Variants in LINS1 observed in about 807,000 individuals in gnomAD.
The protein encoded by LINS1 is protein Lines homolog 1.
LINS1 carries 27 observed loss-of-function variants against 41.6 expected under a neutral mutation model. That is an observed-to-expected ratio of 0.65 (90% CI 0.48 to 0.89). LINS1 has a LOEUF of 0.89. LINS1 is among the 40% of genes least tolerant of loss of function. LINS1 has a pLI of 0.00. For missense variants in LINS1, 955 were observed against 884.1 expected (o/e 1.08, Z -1.02); for synonymous variants, 336 against 312.9 (o/e 1.07, Z -0.78).
intron 1 of LINS1, among the ~76,000 whole-genome samples, chr15:100,594,197 T>C (rs1341778752): frequency 1.3e-5 from 2 of 152,244 alleles, no homozygotes; most frequent in Non-Finnish European, 2.9e-5. Context: ...TGTTTTGATT[T>C]GTATTATTTT....
At chr15:100,577,793 C>A (rs969886933) in intron 3 of LINS1, among the ~76,000 whole-genome samples, 1 of 152,132 alleles carries the variant, frequency 6.6e-6, no homozygotes, top group Admixed American at 6.5e-5. Flanking sequence ...GCTACAGTAA[C>A]CAAAACAACA....
Position 100,573,971 on chromosome 15 carries a change from A to G in LINS1, c.902T>C (p.Ile301Thr). Residue 301 changes from isoleucine to threonine, a missense_variant, in exon 5 of 7, where the codon ATA (isoleucine) becomes ACA (threonine). Physicochemically the swap from Ile to Thr is moderately conservative, Grantham distance 89. Transcript: ENST00000314742. Reference sequence around the variant, plus strand: ...ACAGAGAAGGCACTTTTTGAGGAATATGATGACCTTCCTTTTAACAAAAGC... The same window carrying G: ...ACAGAGAAGGCACTTTTTGAGGAATGTGATGACCTTCCTTTTAACAAAAGC... Reference protein sequence around the residue: ...IQAFVKRKVIIFLKKCLLCKV... With the variant: ...IQAFVKRKVITFLKKCLLCKV... 1 of 1,614,250 alleles carries G rather than the reference A, an allele frequency of 6.2e-7. No homozygotes were observed. The highest frequency in any genetic ancestry group is 8.5e-7 in the Non-Finnish European group (1 of 1,180,040).
intron 3 of LINS1, among the ~76,000 whole-genome samples, chr15:100,578,493 T>G (rs1387560716): frequency 6.6e-6 from 1 of 151,572 alleles, no homozygotes; most frequent in African/African-American, 2.4e-5. Context: ...TCACACCAGT[T>G]AGAATGGCGA....
chr15:100,575,489 A>T (rs1437773825), intron 3 of LINS1, among the ~76,000 whole-genome samples: 1 of 152,180 alleles, frequency 6.6e-6, no homozygotes, highest in Non-Finnish European at 1.5e-5. Context: ...CTAAATATAT[A>T]TGCACCCAAT....
intron 3 of LINS1, 96 bp from the exon 4 acceptor site, chr15:100,575,224 A>T (rs1235065898): frequency 1.8e-6 from 2 of 1,109,222 alleles, no homozygotes; most frequent in Non-Finnish European, 2.6e-6. Flanking sequence ...GGCCAAAAGA[A>T]GTATGATAAT....
chr15:100,601,352 C>G (rs995329721), intron 1 of LINS1, among the ~76,000 whole-genome samples: 8 of 152,058 alleles, frequency 5.3e-5, no homozygotes, highest in African/African-American at 1.2e-4. Flanking sequence ...AGCAGGCTCA[C>G]GAGTTGTCAA....
rs867171088 is a variant in LINS1 at position 100,582,394 on chromosome 15, C to T, written c.-103-1449G>A. Among the ~76,000 whole-genome samples the T allele has an allele frequency of 2.4e-3, 310 of 128,860 alleles. 60 individuals carry two copies. The highest frequency in any genetic ancestry group is 9.1e-3 in the East Asian group (31 of 3,390). The allele number at this position is 128,860 out of a possible 152,430, so 84.5% of individuals were successfully genotyped here. Reference sequence around the variant, plus strand: ...AGTCTTGGTCTTACACTGGGTCTTCCATCTACACTATGGCCCACTAGCCTA... The same window carrying T: ...AGTCTTGGTCTTACACTGGGTCTTCTATCTACACTATGGCCCACTAGCCTA... On this transcript the variant is annotated intron_variant, in intron 1 of 6. Transcript: ENST00000314742.
At chr15:100,596,318 G>A (rs1345550088) in intron 1 of LINS1, among the ~76,000 whole-genome samples, 1 of 152,128 alleles carries the variant, frequency 6.6e-6, no homozygotes, top group Non-Finnish European at 1.5e-5. Context: ...TCTGGGGTGG[G>A]GCCCAGTAAT....
Position 100,598,486 on chromosome 15 carries a change from G to A in LINS1, c.-104+3635C>T, listed in dbSNP as rs1169754449. On this transcript the variant is annotated intron_variant, in intron 1 of 6. Transcript: ENST00000314742. ...GTTCTGAGCTCATTCAGTCTTTACC[G>A]TATGACACATCTGACAACGTACTTG... Among the ~76,000 whole-genome samples, 6 of 152,146 alleles carry A rather than the reference G, an allele frequency of 3.9e-5. No individual in the cohort carries two copies. The East Asian group carries it at 9.6e-4, about 24-fold the overall frequency.
At chr15:100,578,694 TA>T (rs2038340050) in intron 3 of LINS1, among the ~76,000 whole-genome samples, 1 of 152,190 alleles carries the variant, frequency 6.6e-6, no homozygotes, top group Non-Finnish European at 1.5e-5. Context: ...CAAAGGAATA[TA>T]AATCATGCTG....
At chr15:100,571,796 A>G (rs1357124678) in intron 6 of LINS1, 98 bp downstream of exon 6, 2 of 1,398,670 alleles carry the variant, frequency 1.4e-6, no homozygotes, top group East Asian at 4.6e-5. Context: ...TTTTCCCCCA[A>G]ATGATGAAAG....
chr15:100,575,171 T>A (rs1425968748), intron 3 of LINS1, 43 bp from the exon 4 acceptor site: 1 of 1,540,992 alleles, frequency 6.5e-7, no homozygotes, highest in Non-Finnish European at 8.9e-7. Flanking sequence ...ATACAATATT[T>A]TCTTTACATA....
chr15:100,591,200 AT>A (rs1297744300), intron 1 of LINS1, among the ~76,000 whole-genome samples: 7 of 152,334 alleles, frequency 4.6e-5, no homozygotes, highest in Middle Eastern at 3.4e-3. Flanking sequence ...AGGAAAAAAA[AT>A]AATAATAGTT....
chr15:100,574,150 A>G lies in LINS1; in HGVS notation c.723T>C (p.Asp241=). 6.2e-7 allele frequency: 1 copy of G among 1,613,978 alleles called. No individual in the cohort carries two copies. Among genetic ancestry groups the G allele is most frequent in the Non-Finnish European group, 8.5e-7 (1 of 1,179,818 alleles). Residue 241 remains aspartate, a synonymous_variant, in exon 5 of 7, where the codon GAT becomes GAC. Transcript: ENST00000314742. ...LFSQHFENCR[D]TSKIVNILMC... ...TCAGGATGTTTACTATTTTAGAAGT[A>G]TCCCGGCAGTTTTCAAAATGCTGAG...
At chr15:100,585,330 A>G (rs912820100) in intron 1 of LINS1, among the ~76,000 whole-genome samples, 3 of 152,196 alleles carry the variant, frequency 2.0e-5, no homozygotes, top group Non-Finnish European at 4.4e-5. Context: ...CGCAGTTGCA[A>G]TGCTGTTTGG....
chr15:100,572,702 A>G (rs750628209), intron 5 of LINS1: 6 of 986,306 alleles, frequency 6.1e-6, no homozygotes, highest in Non-Finnish European at 7.2e-6. Context: ...CAAACTTTTC[A>G]CTGAATCTGT....
At chr15:100,570,644 T>G (rs561206027) in intron 6 of LINS1, 7 of 152,862 alleles carry the variant, frequency 4.6e-5, no homozygotes, top group Admixed American at 1.9e-4. Context: ...GGCCATGCCT[T>G]GAGAATGAAT....
intron 1 of LINS1, among the ~76,000 whole-genome samples, chr15:100,588,851 T>A (rs1015300031): frequency 1.3e-5 from 2 of 152,232 alleles, no homozygotes; most frequent in African/African-American, 4.8e-5. Flanking sequence ...TCTGTGTAAG[T>A]CATGAAATAA....
At chr15:100,578,861 T>C (rs1157485461) in intron 3 of LINS1, among the ~76,000 whole-genome samples, 2 of 152,134 alleles carry the variant, frequency 1.3e-5, no homozygotes, top group Admixed American at 1.3e-4. Flanking sequence ...AATGATGAGT[T>C]CATGTCCTTT....
Sources: gnomAD v4.1 joint callset for allele counts (sites outside exome capture counted in the v4.1 genomes callset) on GRCh38, gnomAD v4.1.1 for gene constraint, MANE v1.5 for transcripts, NCBI Gene and HGNC (gene_info 2026-07-23, HGNC 2026-07-21) for gene names.